Variants in RGL1 observed in about 807,000 individuals in gnomAD.
RGL1 encodes ral guanine nucleotide dissociation stimulator-like 1.
RGL1 carries 24 observed loss-of-function variants against 95.2 expected under a neutral mutation model. That is an observed-to-expected ratio of 0.25 (90% CI 0.18 to 0.35). RGL1 has a LOEUF of 0.35. Ranked by LOEUF, RGL1 falls within the 10% of genes least tolerant of loss-of-function variation. The pLI is 1.00. For synonymous variants in RGL1, 329 were observed against 344.9 expected (o/e 0.95, Z 0.51); for missense variants, 715 against 936.3 (o/e 0.76, Z 3.08).
rs947998945 is a variant in RGL1 at position 183,858,087 on chromosome 1, A to G, written c.348-7909A>G. Among the ~76,000 whole-genome samples, 5 of 152,204 alleles carry G rather than the reference A, an allele frequency of 3.3e-5. No individual in the cohort carries two copies. The South Asian group carries it at 6.2e-4, about 19-fold the overall frequency. On this transcript the variant is annotated intron_variant, in intron 3 of 17. Coordinates refer to ENST00000360851, the MANE Select transcript of RGL1 (RefSeq NM_001297671.3). Reference sequence around the variant, plus strand: ...TTATCCTTTTTTTGAAAAGAATATAAAATTGCCCAGCAGGTTTTTTTTTTA... The same window carrying G: ...TTATCCTTTTTTTGAAAAGAATATAGAATTGCCCAGCAGGTTTTTTTTTTA...
intron 13 of RGL1, among the ~76,000 whole-genome samples, chr1:183,905,916 T>C (rs534967772): frequency 3.6e-4 from 55 of 152,346 alleles, no homozygotes; most frequent in African/African-American, 1.3e-3. Flanking sequence ...CCCGTTCATT[T>C]ACATCTCATC....
intron 1 of RGL1, among the ~76,000 whole-genome samples, chr1:183,713,235 G>A (rs934629987): frequency 2.6e-5 from 4 of 151,710 alleles, no homozygotes; most frequent in African/African-American, 4.8e-5. Flanking sequence ...CATGTTGGCC[G>A]GGCTGGTCTC....
At chr1:183,796,158 A>AT (rs1660688204) in intron 2 of RGL1, among the ~76,000 whole-genome samples, 1 of 149,832 alleles carries the variant, frequency 6.7e-6, no homozygotes, top group Non-Finnish European at 1.5e-5. Context: ...AGGTGTTTGT[A>AT]TTCCTATTTT....
In RGL1 at chr1:183,663,149, T is replaced by A. The variant is rs1572242766; in HGVS notation, c.-33+26648T>A. 2.6e-5 allele frequency among the ~76,000 whole-genome samples: 4 copies of A among 151,840 alleles called. No homozygotes were observed. The South Asian group carries it at 8.3e-4, about 32-fold the overall frequency. On this transcript the variant is annotated intron_variant, in intron 1 of 18. Coordinates refer to the RGL1 transcript ENST00000304685. ...GGCATTACCATTCAGGACATAGGCATGGGCAAGGACTTCATGTCTAAAACA... is the reference window on the plus strand; with the variant it reads ...GGCATTACCATTCAGGACATAGGCAAGGGCAAGGACTTCATGTCTAAAACA...
chr1:183,878,929 T>TG, intron 4 of RGL1, among the ~76,000 whole-genome samples: 1 of 152,318 alleles, frequency 6.6e-6, no homozygotes, highest in South Asian at 2.1e-4. Flanking sequence ...AGTATAGTGG[T>TG]GTTAATTAGA....
At chr1:183,891,315 G>A (rs1667403307) in intron 8 of RGL1, among the ~76,000 whole-genome samples, 1 of 152,086 alleles carries the variant, frequency 6.6e-6, no homozygotes, top group South Asian at 2.1e-4. Context: ...AAACCATGAG[G>A]CTCACAGAGA....
rs554709284 is a variant in RGL1, at chr1:183,866,205, T to TTGATTACC, written c.425+134_425+141dup. 42 of 669,166 alleles carry TTGATTACC rather than the reference T, an allele frequency of 6.3e-5. No homozygotes were observed. The South Asian group carries it at 8.0e-4, about 13-fold the overall frequency. 41.5% of individuals were successfully genotyped at this position (669,166 alleles called of 1,614,324 possible). Reference sequence around the variant, plus strand: ...CATAGTGCATACAGAGGCTTATTTTTTGATTACCTAACAATATTCATTTAT... The same window carrying TTGATTACC: ...CATAGTGCATACAGAGGCTTATTTTTTGATTACCTGATTACCTAACAATATTCATTTAT... On this transcript the variant is annotated intron_variant, in intron 4 of 17. Coordinates refer to ENST00000360851, the MANE Select transcript of RGL1 (RefSeq NM_001297671.3).
intron 2 of RGL1, among the ~76,000 whole-genome samples, chr1:183,837,609 T>C (rs1663758451): frequency 6.6e-6 from 1 of 152,232 alleles, no homozygotes; most frequent in South Asian, 2.1e-4. Flanking sequence ...GTATTCCTTT[T>C]ATAAAGTAGG....
At chr1:183,860,086 C>A (rs1184125913) in intron 3 of RGL1, among the ~76,000 whole-genome samples, 1 of 152,116 alleles carries the variant, frequency 6.6e-6, no homozygotes, top group Non-Finnish European at 1.5e-5. Context: ...TCTTTTGGGT[C>A]AGTTACAGAA....
intron 2 of RGL1, among the ~76,000 whole-genome samples, chr1:183,742,829 G>C (rs1057307010): frequency 1.4e-4 from 22 of 152,012 alleles, no homozygotes; most frequent in African/African-American, 5.3e-4. Flanking sequence ...TTATGCGTTT[G>C]AGGTAAAATA....
chr1:183,735,068 CT>C (rs71130632), intron 1 of RGL1, among the ~76,000 whole-genome samples: 3 of 150,004 alleles, frequency 2.0e-5, no homozygotes. Context: ...CTGGATTTTT[CT>C]TTTTTTTTTA....
chr1:183,638,024 C>T (rs144724453), intron 1 of RGL1, among the ~76,000 whole-genome samples: 153 of 152,076 alleles, frequency 1.0e-3, no homozygotes, highest in African/African-American at 3.4e-3. Context: ...AAGAGAAAAT[C>T]GAACATTAGA....
At chr1:183,787,883 G>A (rs942567355) in intron 2 of RGL1, among the ~76,000 whole-genome samples, 2 of 151,784 alleles carry the variant, frequency 1.3e-5, no homozygotes, top group Non-Finnish European at 2.9e-5. Flanking sequence ...CTCTCACCAC[G>A]TGATCTCTTA....
intron 1 of RGL1, among the ~76,000 whole-genome samples, chr1:183,644,853 G>C (rs1336517655): frequency 3.3e-5 from 5 of 152,126 alleles, no homozygotes; most frequent in African/African-American, 1.2e-4. Context: ...AATCTATTTA[G>C]TATTATATAA....
chr1:183,733,201 G>T (rs892473751), intron 1 of RGL1, among the ~76,000 whole-genome samples: 2 of 152,082 alleles, frequency 1.3e-5, no homozygotes, highest in Non-Finnish European at 2.9e-5. Flanking sequence ...AATAGGGATT[G>T]TATCTTCTTG....
chr1:183,775,318 T>G (rs1251842655), intron 2 of RGL1, among the ~76,000 whole-genome samples: 1 of 152,258 alleles, frequency 6.6e-6, no homozygotes, highest in African/African-American at 2.4e-5. Flanking sequence ...ATGGTGTATA[T>G]CACCACTTAA....
intron 5 of RGL1, among the ~76,000 whole-genome samples, chr1:183,882,093 C>G (rs1343619991): frequency 1.3e-5 from 2 of 152,178 alleles, no homozygotes. Flanking sequence ...CTTGTTTTAC[C>G]CAATTTTACT....
At chr1:183,898,309 C>T (rs1338268303) in intron 10 of RGL1, among the ~76,000 whole-genome samples, 1 of 152,014 alleles carries the variant, frequency 6.6e-6, no homozygotes, top group African/African-American at 2.4e-5. Flanking sequence ...AGTGTCTTCT[C>T]CACAGGGCCC....
At chr1:183,853,901 T>C (rs147616611) in intron 3 of RGL1, among the ~76,000 whole-genome samples, 1 of 152,312 alleles carries the variant, frequency 6.6e-6, no homozygotes, top group East Asian at 1.9e-4. Flanking sequence ...CCCTGGAAAC[T>C]GTATTTCCCA....
Sources: gnomAD v4.1 joint callset for allele counts (sites outside exome capture counted in the v4.1 genomes callset) on GRCh38, gnomAD v4.1.1 for gene constraint, MANE v1.5 for transcripts, NCBI Gene and HGNC (gene_info 2026-07-23, HGNC 2026-07-21) for gene names.